FUT8: variants seen among roughly 807,000 people sequenced by gnomAD.
The protein encoded by FUT8 is fucosyltransferase 8, also known as alpha-(1,6)-fucosyltransferase.
In FUT8, 29 loss-of-function variants were observed where a neutral mutation model predicts 71.3. The ratio of observed to expected loss-of-function variants is 0.41; its 90% confidence interval spans 0.30 to 0.55. FUT8 has a LOEUF of 0.55. FUT8 is among the 20% of genes least tolerant of loss of function. FUT8 has a pLI of 0.34. For missense variants in FUT8, 544 were observed against 702.1 expected (o/e 0.77, Z 2.55); for synonymous variants, 254 against 239.3 (o/e 1.06, Z -0.57).
At chr14:65,619,990 T>C (rs1480458427) in intron 5 of FUT8, among the ~76,000 whole-genome samples, 2 of 152,196 alleles carry the variant, frequency 1.3e-5, no homozygotes, top group African/African-American at 4.8e-5. Context: ...CCTCTAAGCA[T>C]ATCATGGAGT....
chr14:65,580,173 T>C (rs1235182065), intron 3 of FUT8, among the ~76,000 whole-genome samples: 1 of 150,726 alleles, frequency 6.6e-6, no homozygotes, highest in African/African-American at 2.4e-5. Context: ...CATCATAGAG[T>C]ATACTTACAT....
rs1466222305 is a variant in FUT8 at position 65,412,808 on chromosome 14, G to C, written c.-732G>C. 5.9e-6 allele frequency: 1 copy of C among 168,190 alleles called. No individual in the cohort carries two copies. Among genetic ancestry groups the C allele is most frequent in the African/African-American group, 2.4e-5 (1 of 41,532 alleles). The allele number at this position is 168,190 out of a possible 1,614,324, so 10.4% of individuals were successfully genotyped here. On this transcript the variant is annotated 5_prime_UTR_variant, in exon 1 of 11. Coordinates refer to ENST00000673929, the MANE Select transcript of FUT8 (RefSeq NM_001371533.1). ...CAGAGCCGCTCCGGCGCGTGCGCGCGTTATCTCCGGCCGACCCGAGCAGCC... is the reference window on the plus strand; with the variant it reads ...CAGAGCCGCTCCGGCGCGTGCGCGCCTTATCTCCGGCCGACCCGAGCAGCC...
At position 65,560,332 on chromosome 14, in the gene FUT8, A is replaced by G. The variant is rs1429615596; in HGVS notation, c.-227-1005A>G. On this transcript the variant is annotated intron_variant, in intron 2 of 10. Transcript: ENST00000673929. The stretch of plus-strand genomic sequence containing the variant: ...TCTATAGCTTTAAAATTATCAAAAC[A>G]TTTTTAAAATTAAAGAAAAAAAAAT... 2.6e-5 allele frequency among the ~76,000 whole-genome samples: 4 copies of G among 152,004 alleles called. No homozygotes were observed. The East Asian group carries it at 7.7e-4, about 29-fold the overall frequency.
At chr14:65,525,857 T>C (rs1482080310) in intron 2 of FUT8, among the ~76,000 whole-genome samples, 1 of 152,228 alleles carries the variant, frequency 6.6e-6, no homozygotes, top group Non-Finnish European at 1.5e-5. Flanking sequence ...TCAGTTTCCA[T>C]GTAGTTGAGC....
intron 3 of FUT8, among the ~76,000 whole-genome samples, chr14:65,587,641 A>G (rs1887464118): frequency 6.6e-6 from 1 of 152,194 alleles, no homozygotes. Flanking sequence ...AACACAGTGG[A>G]TCTGTGAGAT....
rs371452400 is a variant in FUT8, at chr14:65,468,559, CTTAAAG to C, written c.-228+12846_-228+12851del. On this transcript the variant is annotated intron_variant, in intron 2 of 10. Coordinates refer to ENST00000673929, the MANE Select transcript of FUT8 (RefSeq NM_001371533.1). ...GCTTCTTTCGAGATATCTTATTGGTCTTAAAGTTAATAAGGAAAAAACTAAAGTTTT... is the reference window on the plus strand; with the variant it reads ...GCTTCTTTCGAGATATCTTATTGGTCTTAATAAGGAAAAAACTAAAGTTTT... Among the ~76,000 whole-genome samples the C allele has an allele frequency of 2.3e-3, 343 of 151,794 alleles. 4 individuals are homozygous for C. The highest frequency in any genetic ancestry group is 7.9e-3 in the African/African-American group (329 of 41,386).
At chr14:65,740,991 A>G (rs997958541) in intron 10 of FUT8, among the ~76,000 whole-genome samples, 1 of 152,082 alleles carries the variant, frequency 6.6e-6, no homozygotes, top group Non-Finnish European at 1.5e-5. Context: ...AATACATGCA[A>G]AACTATTGGT....
chr14:65,396,791 T>G, the FUT8 span, among the ~76,000 whole-genome samples: 166 of 152,360 alleles, frequency 1.1e-3, no homozygotes, highest in African/African-American at 3.8e-3. The surrounding 1 kb of genome is among the most constrained non-coding windows in gnomAD (Gnocchi z 5.5). Flanking sequence ...CCTCTAATAT[T>G]AATTAACATT....
chr14:65,416,821 C>G (rs1247507397), intron 1 of FUT8, among the ~76,000 whole-genome samples: 4 of 142,114 alleles, frequency 2.8e-5, no homozygotes, highest in African/African-American at 8.0e-5. Flanking sequence ...CTCTATGTTG[C>G]CCAGGTTGGA....
At chr14:65,447,396 G>A (rs145786677) in intron 1 of FUT8, among the ~76,000 whole-genome samples, 207 of 152,092 alleles carry the variant, frequency 1.4e-3, no homozygotes, top group Non-Finnish European at 2.3e-3. Flanking sequence ...TCAAGGCGCA[G>A]TGTAATCATT....
intron 3 of FUT8, among the ~76,000 whole-genome samples, chr14:65,602,078 C>A (rs1027215850): frequency 6.6e-6 from 1 of 151,456 alleles, no homozygotes; most frequent in Non-Finnish European, 1.5e-5. Context: ...CACTCATCAC[C>A]CGAGCAGTAT....
chr14:65,361,792 A>G, the FUT8 span, among the ~76,000 whole-genome samples: 1 of 121,876 alleles, frequency 8.2e-6, no homozygotes, highest in African/African-American at 3.1e-5. Context: ...GTCTCAAAGA[A>G]AACAAACAAA....
chr14:65,539,438 G>C (rs1434730273), intron 2 of FUT8, among the ~76,000 whole-genome samples: 10 of 152,146 alleles, frequency 6.6e-5, no homozygotes, highest in Admixed American at 3.9e-4. Flanking sequence ...TTAACCTTTT[G>C]TGTTTTACCT....
intron 2 of FUT8, among the ~76,000 whole-genome samples, chr14:65,558,042 C>T (rs1053119198): frequency 2.6e-5 from 4 of 151,968 alleles, no homozygotes; most frequent in Non-Finnish European, 5.9e-5. Flanking sequence ...AACCATAAGA[C>T]TCTCTTGGCT....
At position 65,439,965 on chromosome 14, in the gene FUT8, T is replaced by C. The variant is rs537837587; in HGVS notation, c.-325-15656T>C. On this transcript the variant is annotated intron_variant, in intron 1 of 10. Transcript: ENST00000673929. ...GTGTGTGTGTGTGTGTATATATATA[T>C]ATATATATATATATATATATATATA... Among the ~76,000 whole-genome samples, 74 of 127,916 alleles carry C rather than the reference T, an allele frequency of 5.8e-4. 2 individuals carry two copies. The highest frequency in any genetic ancestry group is 8.7e-4 in the Non-Finnish European group (52 of 60,062). The allele number at this position is 127,916 out of a possible 152,430, so 83.9% of individuals were successfully genotyped here.
intron 2 of FUT8, among the ~76,000 whole-genome samples, chr14:65,531,432 G>T (rs1395195665): frequency 6.6e-6 from 1 of 151,994 alleles, no homozygotes; most frequent in African/African-American, 2.4e-5. Context: ...TGTGATTTAG[G>T]TGTTGTGTGC....
At chr14:65,429,525 T>A (rs557629551) in intron 1 of FUT8, among the ~76,000 whole-genome samples, 6 of 152,322 alleles carry the variant, frequency 3.9e-5, no homozygotes, top group African/African-American at 1.4e-4. Flanking sequence ...TATGTTTATT[T>A]TATGAAGATT....
chr14:65,688,579 AC>A (rs1893419320), intron 7 of FUT8, among the ~76,000 whole-genome samples: 1 of 150,814 alleles, frequency 6.6e-6, no homozygotes, highest in African/African-American at 2.4e-5. Flanking sequence ...CTGACCTTAT[AC>A]CTTTCACAAA....
At chr14:65,446,578 C>T (rs1434851061) in intron 1 of FUT8, among the ~76,000 whole-genome samples, 1 of 151,784 alleles carries the variant, frequency 6.6e-6, no homozygotes, top group Non-Finnish European at 1.5e-5. Context: ...TAGTATAATT[C>T]ACAAGGAAAG....
Sources: allele counts gnomAD v4.1 joint callset (sites outside exome capture counted in the v4.1 genomes callset), GRCh38; gene constraint gnomAD v4.1.1; non-coding constraint Gnocchi (gnomAD v3.1); transcripts MANE v1.5; gene names NCBI Gene and HGNC (gene_info 2026-07-23, HGNC 2026-07-21).